Variants in CEP128 observed in about 807,000 individuals in gnomAD.
The protein encoded by CEP128 is centrosomal protein 128.
Under a neutral mutation model 156.7 loss-of-function variants are expected in CEP128, and 132 were observed. The ratio of observed to expected loss-of-function variants is 0.84; its 90% CI spans 0.73 to 0.97. The LOEUF (loss-of-function observed/expected upper bound fraction) is 0.97. Among genes scored for constraint, CEP128 ranks in the 50% least tolerant of loss-of-function variants. The probability of loss-of-function intolerance (pLI) is 0.00; values close to 1 mark genes in which losing one functional copy is unlikely to be tolerated. For synonymous variants in CEP128, 469 were observed against 448.9 expected (o/e 1.04, Z -0.57); for missense variants, 1,252 against 1,281.9 (o/e 0.98, Z 0.36).
intron 19 of CEP128, among the ~76,000 whole-genome samples, chr14:80,633,155 A>C (rs1458490497): frequency 7.8e-6 from 1 of 128,866 alleles, no homozygotes; most frequent in African/African-American, 3.7e-5. Context: ...TGAGCCCAGA[A>C]GGTCAAGGTT....
At position 80,544,660 on chromosome 14, in the gene CEP128, T is replaced by A. The variant is rs552390511; in HGVS notation, c.2881-13774A>T. ...GCAATATAATTTAAAAAATGAAGTATTATGTAATAGTGATTATTTAGTTCT... is the reference window on the plus strand; with the variant it reads ...GCAATATAATTTAAAAAATGAAGTAATATGTAATAGTGATTATTTAGTTCT... On this transcript the variant is annotated intron_variant, in intron 21 of 24. Transcript: ENST00000555265. Among the ~76,000 whole-genome samples the A allele has an allele frequency of 4.6e-5, 7 of 152,320 alleles. No individual in the cohort carries two copies. The South Asian group carries it at 1.4e-3, about 32-fold the overall frequency.
intron 19 of CEP128, among the ~76,000 whole-genome samples, chr14:80,617,539 A>C (rs1376227126): frequency 6.6e-6 from 1 of 151,968 alleles, no homozygotes; most frequent in East Asian, 1.9e-4. Flanking sequence ...CCGGCCGTGA[A>C]TATCATCTTT....
intron 19 of CEP128, among the ~76,000 whole-genome samples, chr14:80,681,379 T>C (rs1896318737): frequency 6.6e-6 from 1 of 152,168 alleles, no homozygotes; most frequent in African/African-American, 2.4e-5. Flanking sequence ...ATAGATCACA[T>C]TAGCTCTCCA....
chr14:80,859,464 G>A (rs1167571354), intron 9 of CEP128, among the ~76,000 whole-genome samples: 2 of 151,228 alleles, frequency 1.3e-5, no homozygotes, highest in African/African-American at 4.9e-5. Context: ...GAGTTAGTGG[G>A]TGCAGCGCAG....
At chr14:80,618,905 A>T (rs1027238486) in intron 19 of CEP128, among the ~76,000 whole-genome samples, 9 of 152,246 alleles carry the variant, frequency 5.9e-5, no homozygotes, top group African/African-American at 2.2e-4. Flanking sequence ...CTACTGGTCG[A>T]TAAACCAAAC....
downstream of CEP128, among the ~76,000 whole-genome samples, chr14:80,485,702 C>G (rs1172391646): frequency 2.6e-5 from 4 of 152,002 alleles, no homozygotes; most frequent in African/African-American, 9.7e-5. Context: ...AAGAATTTAG[C>G]AATGAATGAA....
At chr14:80,778,124 A>G (rs2077962607) in intron 15 of CEP128, 78 bp from the exon 16 acceptor site, 2 of 1,237,008 alleles carry the variant, frequency 1.6e-6, no homozygotes, top group Admixed American at 2.1e-5. Context: ...ATATTTTATC[A>G]GTGGAAAAAC....
At chr14:80,837,722 A>C (rs948277064) in intron 11 of CEP128, among the ~76,000 whole-genome samples, 1 of 152,270 alleles carries the variant, frequency 6.6e-6, no homozygotes, top group Non-Finnish European at 1.5e-5. Context: ...CTCAAAAAAA[A>C]TAAAATAAAA....
intron 21 of CEP128, among the ~76,000 whole-genome samples, chr14:80,539,651 C>G (rs1347581646): frequency 6.6e-6 from 1 of 152,074 alleles, no homozygotes; most frequent in Non-Finnish European, 1.5e-5. Flanking sequence ...AGAACAGCAG[C>G]AATTTTTAGG....
chr14:80,617,563 G>T (rs1236527040), intron 19 of CEP128, among the ~76,000 whole-genome samples: 8 of 152,246 alleles, frequency 5.3e-5, no homozygotes, highest in Non-Finnish European at 5.9e-5. Flanking sequence ...AGAACATAAG[G>T]TGGGGGGTGG....
chr14:80,856,597 C>G (rs1194238020), intron 9 of CEP128, among the ~76,000 whole-genome samples: 1 of 151,874 alleles, frequency 6.6e-6, no homozygotes, highest in Non-Finnish European at 1.5e-5. Flanking sequence ...GGGCCATGAT[C>G]ACACCACTGC....
rs186727156 is a variant in CEP128, at chr14:80,859,761, A to G, written c.762+2996T>C. 1.4e-3 allele frequency among the ~76,000 whole-genome samples: 210 copies of G among 152,246 alleles called. 1 individual carries two copies. The highest frequency in any genetic ancestry group is 4.1e-3 in the African/African-American group (169 of 41,538). ...ATGGCTTTCCCTTGACCAATTTCCA[A>G]TGATTAACACTGTGCTTTTGCATTA... On this transcript the variant is annotated intron_variant, in intron 9 of 24. Coordinates refer to ENST00000555265, the MANE Select transcript of CEP128 (RefSeq NM_152446.5).
At chr14:80,524,004 A>C (rs1287966011) in intron 23 of CEP128, among the ~76,000 whole-genome samples, 1 of 152,196 alleles carries the variant, frequency 6.6e-6, no homozygotes, top group Admixed American at 6.5e-5. Flanking sequence ...TATTCCAATA[A>C]AACTTTATTT....
At chr14:80,772,314 A>G (rs559977311) in intron 16 of CEP128, among the ~76,000 whole-genome samples, 12 of 152,232 alleles carry the variant, frequency 7.9e-5, no homozygotes, top group African/African-American at 2.9e-4. Context: ...GTGACAGACA[A>G]AAGAGAGGAG....
At chr14:80,749,634 T>A (rs1899286506) in intron 18 of CEP128, among the ~76,000 whole-genome samples, 1 of 151,910 alleles carries the variant, frequency 6.6e-6, no homozygotes, top group Non-Finnish European at 1.5e-5. Flanking sequence ...CTGGGAAGGG[T>A]AGTGGGAGAG....
intron 19 of CEP128, among the ~76,000 whole-genome samples, chr14:80,734,620 C>T (rs557792400): frequency 1.1e-4 from 17 of 151,934 alleles, no homozygotes; most frequent in African/African-American, 3.1e-4. Context: ...GAGGCCGAGG[C>T]GGGCAGATCA....
intron 18 of CEP128, 27 bp from the exon 19 acceptor site, chr14:80,743,294 G>C (rs775584773): frequency 2.7e-6 from 4 of 1,481,572 alleles, no homozygotes; most frequent in Non-Finnish European, 1.9e-6. Flanking sequence ...ATATCTAATG[G>C]TTAAAGAAAC....
At chr14:80,860,033 T>C (rs935841978) in intron 9 of CEP128, among the ~76,000 whole-genome samples, 11 of 152,236 alleles carry the variant, frequency 7.2e-5, no homozygotes, top group African/African-American at 2.7e-4. Flanking sequence ...TGCTCAATTA[T>C]GGATTTAATT....
chr14:80,674,327 C>G (rs867187296), intron 19 of CEP128, among the ~76,000 whole-genome samples: 1 of 152,208 alleles, frequency 6.6e-6, no homozygotes, highest in Middle Eastern at 3.4e-3. Context: ...CAAGTATTCA[C>G]TACCATCATC....
Sources: gnomAD v4.1 joint callset for allele counts (sites outside exome capture counted in the v4.1 genomes callset) on GRCh38, gnomAD v4.1.1 for gene constraint, MANE v1.5 for transcripts, NCBI Gene and HGNC (gene_info 2026-07-23, HGNC 2026-07-21) for gene names.